Variants in CCDC158 observed in about 807,000 individuals in gnomAD.
CCDC158 encodes the protein coiled-coil domain containing 158, also known as coiled-coil domain-containing protein 158.
CCDC158 carries 116 observed loss-of-function variants against 138.6 expected under a neutral mutation model. The observed-to-expected ratio is 0.84, with a 90% CI of 0.72 to 0.98. The LOEUF is 0.98. Among genes scored for constraint, CCDC158 ranks in the 50% least tolerant of loss-of-function variants. CCDC158 has a pLI of 0.00. For synonymous variants in CCDC158, 436 were observed against 442.4 expected (o/e 0.99, Z 0.18); for missense variants, 1,265 against 1,306.1 (o/e 0.97, Z 0.48).
intron 18 of CCDC158, among the ~76,000 whole-genome samples, chr4:76,342,817 C>T (rs1411779265): frequency 6.6e-6 from 1 of 152,264 alleles, no homozygotes; most frequent in South Asian, 2.1e-4. Context: ...ACAGAAGCTG[C>T]CAATGTGAAG....
chr4:76,355,440 G>A lies in CCDC158; in HGVS notation c.2174-4C>T, dbSNP rs1723452534. Reference sequence around the variant, plus strand: ...ATCCCCATTGCCACTTTCATAGCTGGAAAAAAAAAAGAGGCAAACTATGCC... The same window carrying A: ...ATCCCCATTGCCACTTTCATAGCTGAAAAAAAAAAAGAGGCAAACTATGCC... On this transcript the variant is annotated splice_polypyrimidine_tract_variant and splice_region_variant and intron_variant, in intron 14 of 24. Coordinates refer to ENST00000682701, the MANE Select transcript of CCDC158 (RefSeq NM_001394954.1). 4.9e-6 allele frequency: 7 copies of A among 1,414,814 alleles called. No homozygotes were observed. The highest frequency in any genetic ancestry group is 3.9e-5 in the Admixed American group (2 of 50,828). 87.6% of individuals were successfully genotyped at this position (1,414,814 alleles called of 1,614,324 possible).
chr4:76,328,632 G>A (rs1382377860), intron 22 of CCDC158, among the ~76,000 whole-genome samples: 2 of 152,188 alleles, frequency 1.3e-5, no homozygotes, highest in African/African-American at 2.4e-5. Flanking sequence ...CACTGGGAAA[G>A]TGACACCTGG....
intron 4 of CCDC158, among the ~76,000 whole-genome samples, chr4:76,388,025 A>G (rs1726977771): frequency 6.6e-6 from 1 of 151,964 alleles, no homozygotes; most frequent in Non-Finnish European, 1.5e-5. Flanking sequence ...AAAATAATAA[A>G]AGTAAACATA....
intron 18 of CCDC158, chr4:76,344,798 T>C (rs921523973): frequency 1.9e-6 from 3 of 1,606,404 alleles, no homozygotes; most frequent in African/African-American, 1.3e-5. Flanking sequence ...CCGACTTCAA[T>C]GGTCCTCGAG....
intron 2 of CCDC158, among the ~76,000 whole-genome samples, chr4:76,408,334 C>T (rs1729006279): frequency 6.6e-6 from 1 of 152,006 alleles, no homozygotes; most frequent in Non-Finnish European, 1.5e-5. Flanking sequence ...TATCCCTCCC[C>T]GCTCCCCCCA....
chr4:76,387,191 G>A (rs1726878791), intron 4 of CCDC158, among the ~76,000 whole-genome samples: 1 of 152,110 alleles, frequency 6.6e-6, no homozygotes, highest in South Asian at 2.1e-4. Context: ...CGAGGGGAGA[G>A]CAAAGCGTAA....
At chr4:76,417,632 C>T (rs1729801108) in intron 1 of CCDC158, among the ~76,000 whole-genome samples, 2 of 152,134 alleles carry the variant, frequency 1.3e-5, no homozygotes, top group South Asian at 4.1e-4. Context: ...CTGAGGCCTT[C>T]CCAGCCATGT....
At chr4:76,381,693 T>A (rs995158268) in intron 8 of CCDC158, among the ~76,000 whole-genome samples, 1 of 152,184 alleles carries the variant, frequency 6.6e-6, no homozygotes, top group East Asian at 1.9e-4. Context: ...ATATTTTTTT[T>A]ATTTTTGAGA....
chr4:76,379,933 A>G (rs1453306094), intron 8 of CCDC158, among the ~76,000 whole-genome samples: 2 of 152,092 alleles, frequency 1.3e-5, no homozygotes, highest in Non-Finnish European at 2.9e-5. Context: ...CTGATGGTTT[A>G]AAAGTATGGC....
At chr4:76,345,005 C>A in intron 18 of CCDC158, 1 of 1,410,956 alleles carries the variant, frequency 7.1e-7, no homozygotes, top group Non-Finnish European at 1.0e-6. Flanking sequence ...CTTCTTTGAG[C>A]AAGAGAAGAA....
At chr4:76,348,472 A>G (rs1375479105) in intron 18 of CCDC158, among the ~76,000 whole-genome samples, 1 of 148,946 alleles carries the variant, frequency 6.7e-6, no homozygotes, top group African/African-American at 2.5e-5. Context: ...CACTAATACC[A>G]TTTGTAAGGG....
intron 2 of CCDC158, among the ~76,000 whole-genome samples, chr4:76,405,064 A>G (rs1728709716): frequency 6.6e-6 from 1 of 152,250 alleles, no homozygotes; most frequent in Admixed American, 6.5e-5. Context: ...AAAAGTGATC[A>G]AGAATGATAA....
At chr4:76,336,175 C>CT (rs1159038263) in intron 18 of CCDC158, among the ~76,000 whole-genome samples, 44 of 79,018 alleles carry the variant, frequency 5.6e-4, no homozygotes, top group Non-Finnish European at 8.6e-4. Flanking sequence ...GAGTGAGACT[C>CT]TGTCTCAAAA....
At chr4:76,376,316 A>G (rs1294206956) in intron 9 of CCDC158, among the ~76,000 whole-genome samples, 3 of 152,142 alleles carry the variant, frequency 2.0e-5, no homozygotes, top group African/African-American at 7.2e-5. Flanking sequence ...CTTCTGTCTC[A>G]GCCTTCGAAA....
At chr4:76,403,979 A>G (rs2109870664) in intron 2 of CCDC158, among the ~76,000 whole-genome samples, 1 of 152,242 alleles carries the variant, frequency 6.6e-6, no homozygotes, top group East Asian at 1.9e-4. Context: ...TAAAGGCCAA[A>G]ATATTAAGCA....
chr4:76,385,861 A>G (rs1726734715), intron 4 of CCDC158, among the ~76,000 whole-genome samples: 1 of 152,216 alleles, frequency 6.6e-6, no homozygotes, highest in South Asian at 2.1e-4. Context: ...GATGTTAAAG[A>G]TGAAATTCAA....
chr4:76,418,948 C>A (rs919720246), intron 1 of CCDC158, among the ~76,000 whole-genome samples: 1 of 152,134 alleles, frequency 6.6e-6, no homozygotes, highest in Non-Finnish European at 1.5e-5. Context: ...CTAGCGGTTG[C>A]TTTTAGCCAT....
rs1309543616 is a variant in CCDC158, at chr4:76,420,866, CG to C, written c.-117+98del. Among the ~76,000 whole-genome samples, 4 of 152,266 alleles carry C rather than the reference CG, an allele frequency of 2.6e-5. No homozygotes were observed. In the East Asian group the frequency reaches 7.7e-4, roughly 29 times the overall value. On this transcript the variant is annotated intron_variant, in intron 1 of 24. Transcript: ENST00000682701. Reference sequence around the variant, plus strand: ...CATGTGCAGAACAAACACGAGGCACCGGAAGATTCCAGAAATGAACACGAGT... The same window carrying C: ...CATGTGCAGAACAAACACGAGGCACCGAAGATTCCAGAAATGAACACGAGT...
chr4:76,340,626 G>A (rs555887135), intron 18 of CCDC158, among the ~76,000 whole-genome samples: 76 of 152,150 alleles, frequency 5.0e-4, no homozygotes, highest in African/African-American at 1.8e-3. Context: ...TTAGGGAGTA[G>A]ACTGGACATA....
Sources: allele counts gnomAD v4.1 joint callset (sites outside exome capture counted in the v4.1 genomes callset), GRCh38; gene constraint gnomAD v4.1.1; transcripts MANE v1.5; gene names NCBI Gene and HGNC (gene_info 2026-07-23, HGNC 2026-07-21).